TUSC3: variants seen among roughly 807,000 people sequenced by gnomAD.
TUSC3 encodes dolichyl-diphosphooligosaccharide--protein glycosyltransferase subunit TUSC3.
In TUSC3, 45 loss-of-function variants were observed where a neutral mutation model predicts 44.8. The observed-to-expected ratio is 1.00, with a 90% CI of 0.79 to 1.29. The LOEUF is 1.29. Among genes scored for constraint, TUSC3 ranks in the 50% most tolerant of loss-of-function variants. The pLI is 0.00. For missense variants in TUSC3, 519 were observed against 437.9 expected (o/e 1.19, Z -1.65); for synonymous variants, 212 against 152.9 (o/e 1.39, Z -2.85).
At chr8:15,529,662 A>G (rs1423674782) in intron 2 of TUSC3, among the ~76,000 whole-genome samples, 1 of 152,080 alleles carries the variant, frequency 6.6e-6, no homozygotes, top group Non-Finnish European at 1.5e-5. Flanking sequence ...CTAGGATTAA[A>G]TATAAATGCC....
intron 7 of TUSC3, 65 bp from the exon 8 acceptor site, chr8:15,743,473 G>A (rs1811278813): frequency 1.3e-6 from 2 of 1,541,816 alleles, no homozygotes; most frequent in Non-Finnish European, 9.0e-7. Context: ...ATTGTGTTCA[G>A]AGCCAGAAAA....
At chr8:15,512,754 C>T (rs1328050929) in intron 2 of TUSC3, among the ~76,000 whole-genome samples, 1 of 151,008 alleles carries the variant, frequency 6.6e-6, no homozygotes, top group East Asian at 2.0e-4. Context: ...GCCTGGGCAA[C>T]AGAACAAGAC....
intron 6 of TUSC3, among the ~76,000 whole-genome samples, chr8:15,698,502 C>A (rs1252628208): frequency 6.6e-6 from 1 of 152,138 alleles, no homozygotes; most frequent in African/African-American, 2.4e-5. Context: ...CTCAGGAATG[C>A]TTTTCCCATT....
intron 1 of TUSC3, among the ~76,000 whole-genome samples, chr8:15,477,226 C>A (rs1346196474): frequency 6.6e-6 from 1 of 152,160 alleles, no homozygotes; most frequent in East Asian, 1.9e-4. Flanking sequence ...ATTCCATTGA[C>A]CAAATTCCAT....
intron 6 of TUSC3, among the ~76,000 whole-genome samples, chr8:15,724,649 A>T (rs1023295150): frequency 6.6e-6 from 1 of 152,152 alleles, no homozygotes; most frequent in Non-Finnish European, 1.5e-5. Flanking sequence ...AGAGATTATC[A>T]CTTAAAAGAT....
chr8:15,794,077 A>T, the TUSC3 span, among the ~76,000 whole-genome samples: 1 of 152,186 alleles, frequency 6.6e-6, no homozygotes, highest in African/African-American at 2.4e-5. Flanking sequence ...CCTCTGATGG[A>T]TGAATGAACT....
At chr8:15,655,116 C>G (rs564209447) in intron 3 of TUSC3, among the ~76,000 whole-genome samples, 1 of 152,110 alleles carries the variant, frequency 6.6e-6, no homozygotes, top group African/African-American at 2.4e-5. Context: ...GTCAGGTGAC[C>G]ATCATGTGAT....
intron 2 of TUSC3, among the ~76,000 whole-genome samples, chr8:15,484,968 C>T (rs1307811367): frequency 2.6e-5 from 4 of 152,154 alleles, no homozygotes; most frequent in Admixed American, 1.3e-4. Context: ...ATTTTCTTCT[C>T]ACAGTATGGC....
intron 6 of TUSC3, among the ~76,000 whole-genome samples, chr8:15,711,463 C>CGTGTGTGT (rs36058270): frequency 0.011 from 1,639 of 144,958 alleles, 15 homozygotes; most frequent in African/African-American, 0.016. Context: ...CAAAAAGGTA[C>CGTGTGTGT]GTGTGTGTGT....
intron 1 of TUSC3, among the ~76,000 whole-genome samples, chr8:15,588,695 C>T (rs11780637): frequency 0.01 from 1,549 of 152,224 alleles, 14 homozygotes; most frequent in Non-Finnish European, 0.015. Context: ...TTGGGTCTTA[C>T]ACTTAAGTCA....
chr8:15,847,755 A>G, the TUSC3 span, among the ~76,000 whole-genome samples: 1 of 152,170 alleles, frequency 6.6e-6, no homozygotes, highest in Non-Finnish European at 1.5e-5. Context: ...TTTTCAATAT[A>G]TCTGCTTTTC....
At chr8:15,767,445 AAC>A (rs1486478225), downstream of TUSC3, among the ~76,000 whole-genome samples, 8 of 151,814 alleles carry the variant, frequency 5.3e-5, no homozygotes, top group East Asian at 1.9e-4. Flanking sequence ...AAAAAAAAAA[AAC>A]ACTGTCACAT....
intron 6 of TUSC3, among the ~76,000 whole-genome samples, chr8:15,721,151 G>GA (rs1810292187): frequency 6.6e-6 from 1 of 151,846 alleles, no homozygotes; most frequent in African/African-American, 2.4e-5. Flanking sequence ...CCATAAGTAA[G>GA]AAAAAATGAT....
upstream of TUSC3, among the ~76,000 whole-genome samples, chr8:15,538,285 A>G (rs934952761): frequency 2.0e-5 from 3 of 152,222 alleles, no homozygotes; most frequent in African/African-American, 4.8e-5. Flanking sequence ...AGCTTTCTGA[A>G]CACTTCTGGT....
At chr8:15,527,735 A>G (rs887987528) in intron 2 of TUSC3, among the ~76,000 whole-genome samples, 1 of 152,068 alleles carries the variant, frequency 6.6e-6, no homozygotes, top group Admixed American at 6.6e-5. Context: ...AGCTCACTTT[A>G]TTTTCAGTGG....
chr8:15,845,468 G>C, the TUSC3 span, among the ~76,000 whole-genome samples: 1 of 152,014 alleles, frequency 6.6e-6, no homozygotes, highest in East Asian at 1.9e-4. Flanking sequence ...GATTATTTCC[G>C]TTCCCCAAAA....
chr8:15,606,845 C>T (rs535951034), intron 1 of TUSC3, among the ~76,000 whole-genome samples: 6 of 152,014 alleles, frequency 3.9e-5, no homozygotes, highest in African/African-American at 1.4e-4. Context: ...AAGATGTTAC[C>T]AATGCATAGC....
At chr8:15,775,521 C>T in the TUSC3 span, among the ~76,000 whole-genome samples, 1 of 151,820 alleles carries the variant, frequency 6.6e-6, no homozygotes, top group South Asian at 2.1e-4. Context: ...ATTTTAACAA[C>T]CTACTAATGC....
chr8:15,505,049 C>T (rs1289987914), intron 2 of TUSC3, among the ~76,000 whole-genome samples: 1 of 152,088 alleles, frequency 6.6e-6, no homozygotes, highest in African/African-American at 2.4e-5. Flanking sequence ...AAAAATATTG[C>T]TGCCAAATGG....
Sources: allele counts gnomAD v4.1 joint callset (sites outside exome capture counted in the v4.1 genomes callset), GRCh38; gene constraint gnomAD v4.1.1; transcripts MANE v1.5; gene names NCBI Gene and HGNC (gene_info 2026-07-23, HGNC 2026-07-21).